The following CS variants were observed in gnomAD, a reference collection of about 807,000 sequenced individuals.
CS encodes the protein citrate synthase.
In CS, 13 loss-of-function variants were observed where a neutral mutation model predicts 61.4. The ratio of observed to expected loss-of-function variants is 0.21; its 90% CI spans 0.14 to 0.34. The LOEUF (loss-of-function observed/expected upper bound fraction) is 0.34, where lower values mean the gene tolerates loss of function less well. CS is among the 10% of genes least tolerant of loss of function. The pLI is 1.00. For synonymous variants in CS, 159 were observed against 215.2 expected (o/e 0.74, Z 2.29); for missense variants, 278 against 573.4 (o/e 0.48, Z 5.26).
chr12:56,288,995 G>T (rs1873031188), intron 1 of CS, among the ~76,000 whole-genome samples: 1 of 152,016 alleles, frequency 6.6e-6, no homozygotes, highest in Admixed American at 6.6e-5. Context: ...CAATCCAAAG[G>T]TAAATTCAGA....
chr12:56,277,630 C>CTT (rs1303018748), intron 6 of CS, among the ~76,000 whole-genome samples: 27 of 135,466 alleles, frequency 2.0e-4, no homozygotes, highest in African/African-American at 2.4e-4. Context: ...GACTTCCATT[C>CTT]TTTTTTTTTT....
At chr12:56,284,571 T>C (rs1872877860) in intron 3 of CS, among the ~76,000 whole-genome samples, 1 of 150,870 alleles carries the variant, frequency 6.6e-6, no homozygotes, top group East Asian at 2.0e-4. Context: ...CCACCATGTC[T>C]GGCTAATTTT....
chr12:56,284,674 G>A (rs1398052134), intron 3 of CS, among the ~76,000 whole-genome samples: 1 of 134,706 alleles, frequency 7.4e-6, no homozygotes, highest in African/African-American at 2.8e-5. Flanking sequence ...GGCCAAGGCG[G>A]GCAGATCACG....
chr12:56,275,250 C>T (rs1385313898), intron 7 of CS, 119 bp from the exon 8 acceptor site: 2 of 1,206,822 alleles, frequency 1.7e-6, no homozygotes, highest in Admixed American at 3.8e-5. Context: ...AGCCTATAGC[C>T]AGTCAGTTAT....
chr12:56,280,419 A>AAAAC (rs1555162620), intron 6 of CS, among the ~76,000 whole-genome samples: 1 of 100,396 alleles, frequency 1.0e-5, no homozygotes, highest in Non-Finnish European at 2.4e-5. Context: ...CGTCTCCCAA[A>AAAAC]AAAAACAAAA....
intron 10 of CS, 26 bp downstream of exon 10, chr12:56,273,561 G>A: frequency 6.2e-7 from 1 of 1,606,714 alleles, no homozygotes; most frequent in Non-Finnish European, 8.5e-7. Context: ...ACAAATTAGA[G>A]GGAAAAGAGG....
intron 1 of CS, among the ~76,000 whole-genome samples, chr12:56,287,688 C>T (rs1872985923): frequency 6.6e-6 from 1 of 151,884 alleles, no homozygotes; most frequent in Non-Finnish European, 1.5e-5. Context: ...CAGTTTCACT[C>T]TTGTTGCCCA....
Position 56,289,738 on chromosome 12 carries a change from G to A in CS, c.43-3093C>T, listed in dbSNP as rs149485859. 6.0e-3 allele frequency among the ~76,000 whole-genome samples: 915 copies of A among 152,088 alleles called. 4 individuals are homozygous for A. Among genetic ancestry groups the A allele is most frequent in the Middle Eastern group, 0.034 (10 of 294 alleles). On this transcript the variant is annotated intron_variant, in intron 1 of 10. Transcript: ENST00000351328. Reference sequence around the variant, plus strand: ...ATTACAGGCGTGAGCCACCGCGCCCGGCCAGCTAATTTTATCTTTTAAACT... The same window carrying A: ...ATTACAGGCGTGAGCCACCGCGCCCAGCCAGCTAATTTTATCTTTTAAACT...
At chr12:56,276,936 A>C (rs939630284) in intron 6 of CS, among the ~76,000 whole-genome samples, 3 of 152,176 alleles carry the variant, frequency 2.0e-5, no homozygotes, top group African/African-American at 7.2e-5. Flanking sequence ...ACGGCAGCTC[A>C]TGCCTATAAT....
In CS at chr12:56,296,613, CATTGTGTGGCTTT is replaced by C. The variant is rs373244839; in HGVS notation, c.42+3534_42+3546del. 5.3e-5 allele frequency among the ~76,000 whole-genome samples: 8 copies of C among 152,324 alleles called. No individual in the cohort carries two copies. In the East Asian group the frequency reaches 1.5e-3, roughly 29 times the overall value. On this transcript the variant is annotated intron_variant, in intron 1 of 10. Coordinates refer to ENST00000351328, the MANE Select transcript of CS (RefSeq NM_004077.3). ...AGTATTGACACAGGGCAGAAAGAAT[CATTGTGTGGCTTT>C]ATTGAAATCCACCAAGTCTGGTTTC...
rs1485794032 is a variant in CS at position 56,280,320 on chromosome 12, CAGG to C, written c.588+2097_588+2099del. Among the ~76,000 whole-genome samples the C allele has an allele frequency of 5.9e-4, 87 of 147,638 alleles. 1 individual carries two copies. The highest frequency in any genetic ancestry group is 6.9e-5 in the Admixed American group (1 of 14,520). ...ATCCTAACTACTCGGGAGGCTGAGG[CAGG>C]AGAATTGTGTGAACCCAGGAGGTGG... On this transcript the variant is annotated intron_variant, in intron 6 of 10. Coordinates refer to ENST00000351328, the MANE Select transcript of CS (RefSeq NM_004077.3).
In CS at chr12:56,287,665, A is replaced by AT. The variant is rs890064660; in HGVS notation, c.43-1021dup. On this transcript the variant is annotated intron_variant, in intron 1 of 10. Coordinates refer to ENST00000351328, the MANE Select transcript of CS (RefSeq NM_004077.3). ...GTGAGTTTTCTTTTTCCTTTTCTTT[A>AT]TTTTTTTTGAGACAGTTTCACTCTT... Among the ~76,000 whole-genome samples the AT allele has an allele frequency of 5.9e-5, 9 of 151,386 alleles. No homozygotes were observed. The East Asian group carries it at 7.8e-4, about 13-fold the overall frequency.
Position 56,292,595 on chromosome 12 carries a change from GC to G in CS, c.43-5951del, listed in dbSNP as rs1326430870. On this transcript the variant is annotated intron_variant, in intron 1 of 10. Transcript: ENST00000351328. ...CCTTTCTGCAGAAAGTATAAAAATG[GC>G]CTTGATGGCCTGGCGCGGTGGCTCA... Among the ~76,000 whole-genome samples, 3 of 149,938 alleles carry G rather than the reference GC, an allele frequency of 2.0e-5. No individual in the cohort carries two copies. The East Asian group carries it at 6.0e-4, about 30-fold the overall frequency.
At chr12:56,288,817 TA>T (rs10711668) in intron 1 of CS, among the ~76,000 whole-genome samples, 119,040 of 148,456 alleles carry the variant, frequency 0.8, 50,871 homozygotes, top group South Asian at 0.98. Flanking sequence ...CCCAGCTAAT[TA>T]AAAAAAAAAA....
chr12:56,277,238 GC>G (rs1358231433), intron 6 of CS, among the ~76,000 whole-genome samples: 47 of 148,500 alleles, frequency 3.2e-4, no homozygotes, highest in African/African-American at 1.0e-3. Context: ...AGTGGCTCAT[GC>G]CTGTAATCCC....
chr12:56,287,775 C>T (rs1028710000), intron 1 of CS, among the ~76,000 whole-genome samples: 1 of 152,118 alleles, frequency 6.6e-6, no homozygotes, highest in Non-Finnish European at 1.5e-5. Context: ...CTGCCTTAGC[C>T]TCCTGAGTAG....
chr12:56,280,284 G>A (rs1484773778), intron 6 of CS, among the ~76,000 whole-genome samples: 2 of 151,844 alleles, frequency 1.3e-5, no homozygotes, highest in Admixed American at 1.3e-4. Context: ...GTGTGGTGGT[G>A]TGCGCCTGTA....
At position 56,286,615 on chromosome 12, in the gene CS, G is replaced by T; in HGVS notation, c.73C>A (p.His25Asn). The T allele has an allele frequency of 6.2e-7, 1 of 1,614,066 alleles. No homozygotes were observed. The highest frequency in any genetic ancestry group is 1.1e-5 in the South Asian group (1 of 91,072). ...NASCLVLAAR[H>N]ASASSTNLKD... ...CTTACCGTGGAGGAAGCACTGGCAT[G>T]CCGGGCTGCAAGAACAAGACAAGAT... Residue 25 changes from histidine to asparagine, a missense_variant, in exon 2 of 11, where the codon CAT becomes AAT. His to Asn is a moderately conservative substitution (Grantham distance 68). Transcript: ENST00000351328.
Position 56,282,618 on chromosome 12 carries a change from A to G in CS, c.400-10T>C. 1 of 1,600,578 alleles carries G rather than the reference A, an allele frequency of 6.2e-7. No individual in the cohort carries two copies. The highest frequency in any genetic ancestry group is 8.5e-7 in the Non-Finnish European group (1 of 1,173,600). The stretch of plus-strand genomic sequence containing the variant: ...TTGAGAGCCAAGATACCTGTGGAAA[A>G]AGAGACAGTGCTCAGAACACCAGCA... On this transcript the variant is annotated splice_polypyrimidine_tract_variant and intron_variant, in intron 5 of 10. Coordinates refer to ENST00000351328, the MANE Select transcript of CS (RefSeq NM_004077.3).
Sources: allele counts gnomAD v4.1 joint callset (sites outside exome capture counted in the v4.1 genomes callset), GRCh38; gene constraint gnomAD v4.1.1; transcripts MANE v1.5; gene names NCBI Gene and HGNC (gene_info 2026-07-23, HGNC 2026-07-21).